SEMA3A: variants seen among roughly 807,000 people sequenced by gnomAD.
SEMA3A encodes the protein semaphorin 3A.
A neutral mutation model predicts 97.9 loss-of-function variants in SEMA3A; 29 were observed. That is an observed-to-expected ratio of 0.30 (90% CI 0.22 to 0.40). The LOEUF (loss-of-function observed/expected upper bound fraction) is 0.40. Among genes scored for constraint, SEMA3A ranks in the 10% least tolerant of loss-of-function variants. The pLI, the probability that SEMA3A is intolerant of heterozygous loss-of-function variation, is 1.00. For synonymous variants in SEMA3A, 321 were observed against 323.7 expected, an observed-to-expected ratio of 0.99 and a Z score of 0.09; for missense variants, 763 against 951.3, an observed-to-expected ratio of 0.80 and a Z score of 2.60.
intron 1 of SEMA3A, among the ~76,000 whole-genome samples, chr7:84,396,744 A>C (rs1803744552): frequency 6.6e-6 from 1 of 152,022 alleles, no homozygotes. Flanking sequence ...TAAGTAGATA[A>C]GAAAAATAAT....
chr7:84,243,155 G>T (rs1474982866), intron 3 of SEMA3A, among the ~76,000 whole-genome samples: 1 of 152,118 alleles, frequency 6.6e-6, no homozygotes, highest in Non-Finnish European at 1.5e-5. Context: ...GGATGATGCT[G>T]GCCTCATAAA....
At chr7:84,408,536 T>C in intron 1 of SEMA3A, among the ~76,000 whole-genome samples, 1 of 152,110 alleles carries the variant, frequency 6.6e-6, no homozygotes, top group African/African-American at 2.4e-5. Flanking sequence ...AGCCATCCCA[T>C]TACTGGCTAT....
At chr7:84,065,537 A>G (rs1045764150) in intron 4 of SEMA3A, among the ~76,000 whole-genome samples, 9 of 148,880 alleles carry the variant, frequency 6.0e-5, no homozygotes, top group African/African-American at 2.0e-4. Context: ...ACTAATAAAG[A>G]AAAAAAGAGA....
intron 2 of SEMA3A, among the ~76,000 whole-genome samples, chr7:84,359,169 C>A (rs2116056019): frequency 1.3e-5 from 2 of 152,236 alleles, no homozygotes; most frequent in South Asian, 2.1e-4. Context: ...GAACTTCCAA[C>A]ACTATGTTGA....
intron 1 of SEMA3A, among the ~76,000 whole-genome samples, chr7:84,160,223 GTCTA>G (rs61107978): frequency 0.15 from 21,988 of 149,198 alleles, 1,714 homozygotes; most frequent in East Asian, 0.23. Flanking sequence ...CTATCAATCT[GTCTA>G]TCTATCTATC....
At chr7:84,395,603 A>C (rs1177786601) in intron 1 of SEMA3A, among the ~76,000 whole-genome samples, 1 of 151,388 alleles carries the variant, frequency 6.6e-6, no homozygotes. Context: ...GGGGGGAGAT[A>C]ATTGAATCAT....
chr7:84,420,452 G>A (rs1024348819), intron 1 of SEMA3A, among the ~76,000 whole-genome samples: 6 of 151,954 alleles, frequency 3.9e-5, no homozygotes, highest in African/African-American at 1.4e-4. Flanking sequence ...GATTTGAAAA[G>A]TCAGAAGAAA....
At chr7:83,980,653 CATATACATATAT>C (rs1584501217) in intron 14 of SEMA3A, among the ~76,000 whole-genome samples, 1 of 130,806 alleles carries the variant, frequency 7.6e-6, no homozygotes, top group Admixed American at 7.9e-5. Context: ...CACACACACA[CATATACATATAT>C]ACACATATAC....
chr7:84,209,705 A>G (rs189408614), intron 3 of SEMA3A, among the ~76,000 whole-genome samples: 8 of 152,334 alleles, frequency 5.3e-5, no homozygotes. Context: ...TAGTTGGATA[A>G]TAAAATGTAA....
chr7:84,039,490 C>A lies in SEMA3A; in HGVS notation c.667+6834G>T, dbSNP rs371045953. ...GTGGAAACACTTAAAATCCCATGGG[C>A]AAATGGTAAGGCTATATGAAAAAGA... On this transcript the variant is annotated intron_variant, in intron 6 of 16. Transcript: ENST00000265362. 2.6e-5 allele frequency among the ~76,000 whole-genome samples: 4 copies of A among 152,034 alleles called. No homozygotes were observed. The East Asian group carries it at 7.7e-4, about 29-fold the overall frequency.
At chr7:84,166,446 C>T (rs370675900) in intron 1 of SEMA3A, among the ~76,000 whole-genome samples, 56 of 151,786 alleles carry the variant, frequency 3.7e-4, no homozygotes, top group African/African-American at 1.3e-3. Flanking sequence ...TGGTGCATGC[C>T]TCTAATCCCA....
intron 1 of SEMA3A, among the ~76,000 whole-genome samples, chr7:84,179,963 CTTTTTT>C (rs1215492615): frequency 8.2e-5 from 9 of 109,440 alleles, no homozygotes; most frequent in African/African-American, 3.2e-4. Flanking sequence ...CTTGACTGTT[CTTTTTT>C]TTTTTTTTTT....
At chr7:84,327,661 T>C (rs1801803949) in intron 2 of SEMA3A, among the ~76,000 whole-genome samples, 1 of 151,968 alleles carries the variant, frequency 6.6e-6, no homozygotes, top group Admixed American at 6.6e-5. Flanking sequence ...TTAACCATCT[T>C]TTTTTACAGA....
At chr7:84,086,533 TTA>T (rs1562770220) in intron 4 of SEMA3A, among the ~76,000 whole-genome samples, 10 of 59,606 alleles carry the variant, frequency 1.7e-4, no homozygotes, top group East Asian at 1.3e-3. Context: ...TAATATATTA[TTA>T]TATTATATTT....
At chr7:83,991,928 C>G (rs546556078) in intron 12 of SEMA3A, among the ~76,000 whole-genome samples, 1 of 147,804 alleles carries the variant, frequency 6.8e-6, no homozygotes, top group Non-Finnish European at 1.5e-5. Context: ...TGTTAGAATT[C>G]GGCTGTGAAT....
intron 4 of SEMA3A, among the ~76,000 whole-genome samples, chr7:84,076,202 G>A (rs912706986): frequency 6.6e-6 from 1 of 152,008 alleles, no homozygotes; most frequent in Non-Finnish European, 1.5e-5. Context: ...TCATTTTCTA[G>A]GATAATTATT....
Position 84,065,704 on chromosome 7 carries a change from C to A in SEMA3A, c.454-5146G>T, listed in dbSNP as rs571916755. On this transcript the variant is annotated intron_variant, in intron 4 of 16. Coordinates refer to ENST00000265362, the MANE Select transcript of SEMA3A (RefSeq NM_006080.3). ...ATAAATTCCTCGACGTATACACTCT[C>A]CCAAGACTAAACCAGGAAGAAGTTG... 7.4e-4 allele frequency among the ~76,000 whole-genome samples: 112 copies of A among 152,234 alleles called. 2 individuals carry two copies. The highest frequency in any genetic ancestry group is 1.0e-3 in the Non-Finnish European group (71 of 68,022).
chr7:84,095,003 T>C (rs1303265207), intron 4 of SEMA3A, among the ~76,000 whole-genome samples: 1 of 150,844 alleles, frequency 6.6e-6, no homozygotes, highest in East Asian at 1.9e-4. Flanking sequence ...GTCTAAGATA[T>C]TGTCACCCAC....
At chr7:84,048,230 C>T (rs1792438782) in intron 5 of SEMA3A, among the ~76,000 whole-genome samples, 1 of 151,934 alleles carries the variant, frequency 6.6e-6, no homozygotes, top group Non-Finnish European at 1.5e-5. Flanking sequence ...TCTTCACTTA[C>T]TTAAATATCA....
Sources: allele counts gnomAD v4.1 joint callset (sites outside exome capture counted in the v4.1 genomes callset), GRCh38; gene constraint gnomAD v4.1.1; transcripts MANE v1.5; gene names NCBI Gene and HGNC (gene_info 2026-07-23, HGNC 2026-07-21).